Variants in INTS4 observed in about 807,000 individuals in gnomAD.
The protein encoded by INTS4 is integrator complex subunit 4.
A neutral mutation model predicts 119.5 loss-of-function variants in INTS4; 70 were observed. That is an observed-to-expected ratio of 0.59 (90% CI 0.48 to 0.71). INTS4 has a LOEUF of 0.71. Among genes scored for constraint, INTS4 ranks in the 30% least tolerant of loss-of-function variants. The pLI is 0.00. For missense variants in INTS4, 867 were observed against 1,173.2 expected, an observed-to-expected ratio of 0.74 and a Z score of 3.81; for synonymous variants, 316 against 419.6, an observed-to-expected ratio of 0.75 and a Z score of 3.02.
chr11:77,945,622 C>G (rs189987278), intron 8 of INTS4, among the ~76,000 whole-genome samples: 86 of 152,292 alleles, frequency 5.6e-4, no homozygotes, highest in African/African-American at 2.0e-3. Context: ...ATCAAATAGA[C>G]AGCTGGCAGC....
intron 3 of INTS4, 88 bp downstream of exon 3, chr11:77,981,371 T>C (rs1052174173): frequency 1.3e-5 from 7 of 523,212 alleles, no homozygotes; most frequent in Non-Finnish European, 2.3e-5. Context: ...TCAATAACAA[T>C]CAACACAACA....
chr11:77,899,819 C>T (rs550033104), intron 18 of INTS4, among the ~76,000 whole-genome samples: 1 of 152,050 alleles, frequency 6.6e-6, no homozygotes, highest in Admixed American at 6.5e-5. Context: ...ATGGTATGAT[C>T]CCCTTTATGT....
intron 2 of INTS4, among the ~76,000 whole-genome samples, chr11:77,982,921 C>T (rs1417252074): frequency 6.6e-6 from 1 of 152,154 alleles, no homozygotes; most frequent in South Asian, 2.1e-4. Flanking sequence ...GCAATAGATA[C>T]AGCGTTGGAA....
At chr11:77,911,104 C>T (rs938530178) in intron 15 of INTS4, 2 of 1,275,858 alleles carry the variant, frequency 1.6e-6, no homozygotes, top group Non-Finnish European at 2.0e-6. Flanking sequence ...GGTAACGTTA[C>T]GATAGTTAAC....
At position 77,943,290 on chromosome 11, in the gene INTS4, G is replaced by A. The variant is rs938200511; in HGVS notation, c.919-2039C>T. Among the ~76,000 whole-genome samples, 95 of 152,230 alleles carry A rather than the reference G, an allele frequency of 6.2e-4. 2 individuals carry two copies. Among genetic ancestry groups the A allele is most frequent in the African/African-American group, 2.3e-3 (94 of 41,536 alleles). On this transcript the variant is annotated intron_variant, in intron 8 of 22. Transcript: ENST00000534064. ...AAATTTTCAATGTCACCTAAGAATA[G>A]GTGAAGCTTTCCATTTTAAGTCCAC...
intron 15 of INTS4, chr11:77,918,202 C>A (rs184498221): frequency 4.6e-6 from 3 of 651,544 alleles, no homozygotes; most frequent in Non-Finnish European, 8.5e-6. Flanking sequence ...GAGGCCGAGG[C>A]GGGAGGATCA....
chr11:77,920,206 C>CACACATATAT (rs1555026388), intron 14 of INTS4, among the ~76,000 whole-genome samples: 22 of 88,956 alleles, frequency 2.5e-4, no homozygotes, highest in African/African-American at 5.0e-4. Flanking sequence ...CATATATATA[C>CACACATATAT]ACACATATAT....
At chr11:77,971,390 T>C (rs1855726554) in intron 4 of INTS4, among the ~76,000 whole-genome samples, 1 of 152,110 alleles carries the variant, frequency 6.6e-6, no homozygotes, top group African/African-American at 2.4e-5. Context: ...GCTCACGCTG[T>C]AATCCCAGCA....
chr11:77,918,859 G>A lies in INTS4; in HGVS notation c.1884C>T (p.Asp628=), dbSNP rs772662807. ...CCAGCAGCTCCTGGGCTCCCTGAGG[G>A]TCCAAGTGCTGAAGACTATACACTC... The part of the protein sequence containing the change: ...LERVYSLQHL[D]PQGAQELLEF... Residue 628 remains aspartate, a synonymous_variant, in exon 15 of 23, where the codon GAC becomes GAT. Coordinates refer to ENST00000534064, the MANE Select transcript of INTS4 (RefSeq NM_033547.4). 4 of 1,613,722 alleles carry A rather than the reference G, an allele frequency of 2.5e-6. No homozygotes were observed. The African/African-American group carries it at 5.3e-5, about 22-fold the overall frequency.
At chr11:77,980,447 A>G (rs1856161284) in intron 3 of INTS4, among the ~76,000 whole-genome samples, 1 of 152,120 alleles carries the variant, frequency 6.6e-6, no homozygotes, top group South Asian at 2.1e-4. Flanking sequence ...TGGCATGATC[A>G]TGGCTCACTG....
downstream of INTS4, chr11:77,877,192 G>T (rs1951622790): frequency 8.7e-6 from 5 of 571,766 alleles, no homozygotes; most frequent in South Asian, 9.0e-5. Context: ...CCTAGGACAG[G>T]TTACTTATTT....
intron 7 of INTS4, among the ~76,000 whole-genome samples, chr11:77,956,740 TAATAATAATAATAATAATAAAC>T (rs1345072407): frequency 1.3e-4 from 6 of 45,574 alleles, no homozygotes; most frequent in African/African-American, 6.0e-4. Flanking sequence ...ATAATAATAA[TAATAATAATAATAATAATAAAC>T]AAATAAATAC....
At chr11:77,960,906 A>G in intron 5 of INTS4, 47 bp downstream of exon 5, 1 of 1,545,882 alleles carries the variant, frequency 6.5e-7, no homozygotes, top group Admixed American at 2.0e-5. Context: ...AAACTTAAAA[A>G]ACAAAAATGA....
downstream of INTS4, among the ~76,000 whole-genome samples, chr11:77,876,274 C>CAG (rs1316191733): frequency 2.6e-5 from 4 of 152,106 alleles, no homozygotes; most frequent in Non-Finnish European, 5.9e-5. Context: ...GGGAAGAAAC[C>CAG]AGAGGCCTGG....
At chr11:77,922,971 A>T (rs1953399366) in intron 12 of INTS4, among the ~76,000 whole-genome samples, 1 of 152,086 alleles carries the variant, frequency 6.6e-6, no homozygotes, top group Admixed American at 6.6e-5. Context: ...AAAGGGAATG[A>T]CCCTTCCTTT....
chr11:77,965,950 C>T (rs1431284760), intron 4 of INTS4, among the ~76,000 whole-genome samples: 1 of 152,176 alleles, frequency 6.6e-6, no homozygotes, highest in Non-Finnish European at 1.5e-5. Flanking sequence ...CAACAGTGTA[C>T]GAGGGTTTCC....
At chr11:77,989,853 A>T (rs149776364) in intron 2 of INTS4, among the ~76,000 whole-genome samples, 19 of 152,250 alleles carry the variant, frequency 1.2e-4, no homozygotes, top group Middle Eastern at 6.8e-3. Context: ...GAGCCGTGAT[A>T]GCACCACTGC....
intron 4 of INTS4, among the ~76,000 whole-genome samples, chr11:77,969,373 GTATGTATT>G (rs1855624531): frequency 6.6e-6 from 1 of 151,804 alleles, no homozygotes; most frequent in Admixed American, 6.6e-5. Flanking sequence ...GTATATGTAT[GTATGTATT>G]TATGAATGAA....
At chr11:77,965,232 G>A (rs2136598507) in intron 4 of INTS4, among the ~76,000 whole-genome samples, 1 of 152,052 alleles carries the variant, frequency 6.6e-6, no homozygotes, top group African/African-American at 2.4e-5. Flanking sequence ...TTTTACTTCT[G>A]TAGAGACAGA....
Sources: allele counts gnomAD v4.1 joint callset (sites outside exome capture counted in the v4.1 genomes callset), GRCh38; gene constraint gnomAD v4.1.1; transcripts MANE v1.5; gene names NCBI Gene and HGNC (gene_info 2026-07-23, HGNC 2026-07-21).